Variants in RBM23 observed in about 807,000 individuals in gnomAD.
RBM23 encodes RNA binding motif protein 23, also known as probable RNA-binding protein 23.
A neutral mutation model predicts 56.2 loss-of-function variants in RBM23; 53 were observed. The ratio of observed to expected loss-of-function variants is 0.94; its 90% CI spans 0.76 to 1.19. The LOEUF (loss-of-function observed/expected upper bound fraction) is 1.19. Ranked by LOEUF, RBM23 falls within the 50% of genes most tolerant of loss-of-function variation. The probability of loss-of-function intolerance (pLI) is 0.00; values close to 1 mark genes in which losing one functional copy is unlikely to be tolerated. For synonymous variants in RBM23, 197 were observed against 198.5 expected (o/e 0.99, Z 0.06); for missense variants, 642 against 590.3 (o/e 1.09, Z -0.91).
intron 1 of RBM23, among the ~76,000 whole-genome samples, chr14:22,915,645 G>A (rs1198218740): frequency 6.6e-6 from 1 of 151,944 alleles, no homozygotes; most frequent in South Asian, 2.1e-4. Context: ...ACAGGTGCCC[G>A]CCACTACGTC....
chr14:22,916,843 T>C (rs897169167), intron 1 of RBM23, among the ~76,000 whole-genome samples: 2 of 152,106 alleles, frequency 1.3e-5, no homozygotes, highest in Admixed American at 6.6e-5. Flanking sequence ...ATATACACTA[T>C]GGGAAAATAG....
chr14:22,893,262 T>TA lies in RBM23; in HGVS notation c.*8467dup, dbSNP rs1465424132. 2 of 152,226 alleles carry TA rather than the reference T, an allele frequency of 1.3e-5. No homozygotes were observed. The highest frequency in any genetic ancestry group is 1.3e-4 in the Admixed American group (2 of 15,280). The allele number at this position is 152,226 out of a possible 1,614,324, so 9.4% of individuals were successfully genotyped here. A position where few individuals can be genotyped will look rare whatever the true frequency, so the allele number is the denominator to read the frequency against. On this transcript the variant is annotated 3_prime_UTR_variant, in exon 14 of 14. Coordinates refer to ENST00000359890, the MANE Select transcript of RBM23 (RefSeq NM_001077351.2). ...TAGTTTCAATCCACATCAATCTAAGTAAATTTTCCTGGACATTTTAATCTT... is the reference window on the plus strand; with the variant it reads ...TAGTTTCAATCCACATCAATCTAAGTAAAATTTTCCTGGACATTTTAATCTT...
chr14:22,918,553 G>A (rs1273825850), intron 1 of RBM23, among the ~76,000 whole-genome samples: 1 of 152,182 alleles, frequency 6.6e-6, no homozygotes, highest in African/African-American at 2.4e-5. Flanking sequence ...GGTCAACATA[G>A]TGAACATGAA....
Position 22,902,069 on chromosome 14 carries a change from G to A in RBM23, c.1157C>T (p.Ala386Val). 6.2e-7 allele frequency: 1 copy of A among 1,612,922 alleles called. No homozygotes were observed. Among genetic ancestry groups the A allele is most frequent in the Admixed American group, 1.7e-5 (1 of 59,924 alleles). The change falls in exon 12 of 14, where the codon GCT becomes GTT. Residue 386 changes from alanine to valine, a missense_variant. Transcript: ENST00000359890. Reference sequence around the variant, plus strand: ...CTGGGCGGCGGCGGCAGCAGCAGCAGCAGCAGTGCTTGGCAGTTGGATTCC... The same window carrying A: ...CTGGGCGGCGGCGGCAGCAGCAGCAACAGCAGTGCTTGGCAGTTGGATTCC... The part of the protein sequence containing the change: ...GAGIQLPSTA[A>V]AAAAAAAQAA...
At chr14:22,914,590 C>T (rs79245034) in intron 1 of RBM23, among the ~76,000 whole-genome samples, 3 of 151,932 alleles carry the variant, frequency 2.0e-5, no homozygotes, top group Non-Finnish European at 4.4e-5. Flanking sequence ...ACAGTTTTAT[C>T]GTGTGCCCAT....
chr14:22,903,201 T>A, intron 10 of RBM23: 1 of 985,512 alleles, frequency 1.0e-6, no homozygotes, highest in Non-Finnish European at 1.2e-6. Context: ...AGCTGTTGAC[T>A]AAGTGACCTG....
In RBM23 at chr14:22,897,595, C is replaced by T. The variant is rs528024809; in HGVS notation, c.*4135G>A. 10 of 152,330 alleles carry T rather than the reference C, an allele frequency of 6.6e-5. No homozygotes were observed. Among genetic ancestry groups the T allele is most frequent in the African/African-American group, 2.4e-4 (10 of 41,554 alleles). 9.4% of individuals were successfully genotyped at this position (152,330 alleles called of 1,614,324 possible). A position where few individuals can be genotyped will look rare whatever the true frequency, so the allele number is the denominator to read the frequency against. ...CAGGGCCCTTGTAGCAGAAAGAGCA[C>T]CTTCAAGGTTCACCCACAAACACTG... On this transcript the variant is annotated 3_prime_UTR_variant, in exon 14 of 14. Coordinates refer to ENST00000359890, the MANE Select transcript of RBM23 (RefSeq NM_001077351.2).
chr14:22,901,757 G>T (rs752521679), intron 13 of RBM23, 24 bp from the exon 14 acceptor site: 1 of 1,613,916 alleles, frequency 6.2e-7, no homozygotes, highest in Admixed American at 1.7e-5. Flanking sequence ...AGGTAAATGG[G>T]AAGCCAAAGG....
chr14:22,908,899 T>A (rs1172111589), intron 3 of RBM23, among the ~76,000 whole-genome samples: 4 of 151,728 alleles, frequency 2.6e-5, no homozygotes, highest in Admixed American at 2.6e-4. Context: ...TTTTTCCCCC[T>A]AATGCGAAGC....
intron 10 of RBM23, chr14:22,903,506 T>C (rs576087906): frequency 2.0e-6 from 2 of 986,214 alleles, no homozygotes; most frequent in South Asian, 4.7e-5. Context: ...GTACTGACAG[T>C]TCCTAGGCAG....
chr14:22,910,461 AAAAAAAAAAAAAAAGAAAGG>A lies in RBM23; in HGVS notation c.66+847_66+866del, dbSNP rs1376015943. Among the ~76,000 whole-genome samples, 23 of 130,980 alleles carry A rather than the reference AAAAAAAAAAAAAAAGAAAGG, an allele frequency of 1.8e-4. No homozygotes were observed. The South Asian group carries it at 5.1e-3, about 29-fold the overall frequency. 85.9% of individuals were successfully genotyped at this position (130,980 alleles called of 152,430 possible). On this transcript the variant is annotated intron_variant, in intron 2 of 13. Coordinates refer to ENST00000359890, the MANE Select transcript of RBM23 (RefSeq NM_001077351.2). ...GTGAAACTTCATCTCAAAAAAAAAA[AAAAAAAAAAAAAAAGAAAGG>A]AAAAAAGAAAGCGGTGGGGGGGAAA...
intron 1 of RBM23, among the ~76,000 whole-genome samples, chr14:22,918,561 G>C (rs1311148268): frequency 6.6e-6 from 1 of 152,146 alleles, no homozygotes. Flanking sequence ...TAGTGAACAT[G>C]AATCTTCGAC....
chr14:22,908,954 T>C (rs953370165), intron 3 of RBM23, among the ~76,000 whole-genome samples: 1 of 151,748 alleles, frequency 6.6e-6, no homozygotes, highest in African/African-American at 2.4e-5. Flanking sequence ...CTATTTTTTT[T>C]TTTTTTGAGA....
At position 22,900,979 on chromosome 14, in the gene RBM23, G is replaced by A. The variant is rs2040416900; in HGVS notation, c.*751C>T. 1 of 152,044 alleles carries A rather than the reference G, an allele frequency of 6.6e-6. No homozygotes were observed. The highest frequency in any genetic ancestry group is 2.4e-5 in the African/African-American group (1 of 41,370). The allele number at this position is 152,044 out of a possible 1,614,324, so 9.4% of individuals were successfully genotyped here. On this transcript the variant is annotated 3_prime_UTR_variant, in exon 14 of 14. Transcript: ENST00000359890. Reference sequence around the variant, plus strand: ...CTACCTCGGGCCAAAGGGAGGAAATGGGAGGAAGGACAAGTATACAAAGGA... The same window carrying A: ...CTACCTCGGGCCAAAGGGAGGAAATAGGAGGAAGGACAAGTATACAAAGGA...
chr14:22,904,730 A>G (rs2041232774), intron 9 of RBM23, 145 bp downstream of exon 9: 1 of 1,253,030 alleles, frequency 8.0e-7, no homozygotes, highest in South Asian at 1.4e-5. Flanking sequence ...AGATGGAGCC[A>G]AACTTTCACA....
In RBM23 at chr14:22,897,226, C is replaced by T. The variant is rs2040262200; in HGVS notation, c.*4504G>A. On this transcript the variant is annotated 3_prime_UTR_variant, in exon 14 of 14. Transcript: ENST00000359890. ...CAAGGCAAAGCAATCATGAGAAAGA[C>T]ATCCAAGTCTGGCCTCATCAGGCTG... 6.6e-6 allele frequency: 1 copy of T among 152,202 alleles called. No homozygotes were observed. The highest frequency in any genetic ancestry group is 2.1e-4 in the South Asian group (1 of 4,830). The allele number at this position is 152,202 out of a possible 1,614,324, so 9.4% of individuals were successfully genotyped here.
intron 2 of RBM23, among the ~76,000 whole-genome samples, chr14:22,910,987 GC>G: frequency 6.6e-6 from 1 of 152,192 alleles, no homozygotes; most frequent in African/African-American, 2.4e-5. Flanking sequence ...CTCCAGCCTG[GC>G]AACAGAGCGA....
At chr14:22,905,069 T>C (rs774121595) in intron 8 of RBM23, 25 bp downstream of exon 8, 1 of 1,613,992 alleles carries the variant, frequency 6.2e-7, no homozygotes. Flanking sequence ...CTTAAAATCT[T>C]ATGTCTGTTT....
At chr14:22,904,759 A>T (rs2041238937) in intron 9 of RBM23, 116 bp downstream of exon 9, 1 of 1,451,220 alleles carries the variant, frequency 6.9e-7, no homozygotes, top group Non-Finnish European at 9.4e-7. Context: ...TCATATGCCC[A>T]CTATGACGTA....
Sources: allele counts gnomAD v4.1 joint callset (sites outside exome capture counted in the v4.1 genomes callset), GRCh38; gene constraint gnomAD v4.1.1; transcripts MANE v1.5; gene names NCBI Gene and HGNC (gene_info 2026-07-23, HGNC 2026-07-21).